The following CPA6 variants were observed in gnomAD, a reference collection of about 807,000 sequenced individuals.
CPA6 encodes the protein carboxypeptidase A6.
CPA6 carries 58 observed loss-of-function variants against 63.3 expected under a neutral mutation model. That is an observed-to-expected ratio of 0.92 (90% CI 0.74 to 1.14). The LOEUF is 1.14. Among genes scored for constraint, CPA6 ranks in the 50% most tolerant of loss-of-function variants. The pLI is 0.00. For synonymous variants in CPA6, 185 were observed against 179.0 expected (o/e 1.03, Z -0.27); for missense variants, 565 against 526.6 (o/e 1.07, Z -0.71).
chr8:67,543,810 G>T (rs964101222), intron 2 of CPA6, among the ~76,000 whole-genome samples: 22 of 98,424 alleles, frequency 2.2e-4, no homozygotes, highest in Admixed American at 1.1e-3. Flanking sequence ...AAGAGACAGG[G>T]TCTTGCTGTG....
At chr8:67,552,224 G>A (rs1812954280) in intron 2 of CPA6, among the ~76,000 whole-genome samples, 1 of 152,196 alleles carries the variant, frequency 6.6e-6, no homozygotes, top group South Asian at 2.1e-4. Context: ...ACACATCTAA[G>A]TAGATTGAAA....
intron 8 of CPA6, among the ~76,000 whole-genome samples, chr8:67,460,251 T>C (rs185498717): frequency 4.3e-4 from 65 of 152,350 alleles, no homozygotes; most frequent in Admixed American, 4.0e-3. Context: ...TAGATGTTTA[T>C]TGAATGAATC....
At chr8:67,597,273 C>A (rs111650719) in intron 2 of CPA6, among the ~76,000 whole-genome samples, 24,730 of 150,162 alleles carry the variant, frequency 0.16, 2,606 homozygotes, top group African/African-American at 0.29. Flanking sequence ...ATCTCAGCTC[C>A]CTGCAAACTC....
At chr8:67,668,675 A>C (rs1474482474) in intron 1 of CPA6, among the ~76,000 whole-genome samples, 2 of 152,208 alleles carry the variant, frequency 1.3e-5, no homozygotes, top group Non-Finnish European at 2.9e-5. Context: ...TTTAATGATA[A>C]AAAAATCTGG....
At chr8:67,544,505 G>C (rs1033572377) in intron 2 of CPA6, among the ~76,000 whole-genome samples, 1 of 152,188 alleles carries the variant, frequency 6.6e-6, no homozygotes, top group African/African-American at 2.4e-5. Flanking sequence ...AAGTCATGAA[G>C]TCTAATGGGC....
intron 8 of CPA6, among the ~76,000 whole-genome samples, chr8:67,480,416 G>A (rs984882427): frequency 6.6e-6 from 1 of 151,922 alleles, no homozygotes; most frequent in African/African-American, 2.4e-5. Context: ...TGCCTATTCT[G>A]GACATTTCAT....
chr8:67,716,009 C>G (rs1817369416), intron 1 of CPA6, among the ~76,000 whole-genome samples: 1 of 151,980 alleles, frequency 6.6e-6, no homozygotes, highest in African/African-American at 2.4e-5. Flanking sequence ...CAAAAATTAG[C>G]TGGGTGTGGT....
intron 8 of CPA6, among the ~76,000 whole-genome samples, chr8:67,464,767 G>A (rs543203136): frequency 6.6e-6 from 1 of 152,142 alleles, no homozygotes; most frequent in African/African-American, 2.4e-5. Context: ...TGAATACGGA[G>A]TCCTATCCCC....
chr8:67,560,422 G>A (rs1392540631), intron 2 of CPA6, among the ~76,000 whole-genome samples: 2 of 152,070 alleles, frequency 1.3e-5, no homozygotes, highest in Non-Finnish European at 2.9e-5. Flanking sequence ...GCTTTCAAAG[G>A]TAGGAAATAA....
intron 8 of CPA6, among the ~76,000 whole-genome samples, chr8:67,470,937 G>C (rs1039114054): frequency 1.3e-5 from 2 of 152,166 alleles, no homozygotes; most frequent in Non-Finnish European, 2.9e-5. Flanking sequence ...TTAGTATGCA[G>C]TAGCCAGAAG....
chr8:67,678,383 C>T (rs1369279314), intron 1 of CPA6, among the ~76,000 whole-genome samples: 2 of 151,984 alleles, frequency 1.3e-5, no homozygotes, highest in Non-Finnish European at 2.9e-5. Flanking sequence ...AACATATATC[C>T]AACGAGGCCT....
chr8:67,601,689 G>A (rs1038502201), intron 2 of CPA6, among the ~76,000 whole-genome samples: 6 of 151,926 alleles, frequency 3.9e-5, no homozygotes, highest in African/African-American at 1.2e-4. Flanking sequence ...CTCATTATTC[G>A]GTCTATTTTG....
chr8:67,517,027 C>T (rs1465068320), intron 3 of CPA6, among the ~76,000 whole-genome samples: 3 of 152,254 alleles, frequency 2.0e-5, no homozygotes, highest in Middle Eastern at 3.4e-3. Flanking sequence ...GAACTCCTGA[C>T]CTCAGGTGAT....
At chr8:67,561,753 G>C (rs146535582) in intron 2 of CPA6, among the ~76,000 whole-genome samples, 1 of 152,248 alleles carries the variant, frequency 6.6e-6, no homozygotes, top group African/African-American at 2.4e-5. Flanking sequence ...ATTATTAGGA[G>C]AATGTCCTTG....
At chr8:67,608,958 G>A (rs1564022501) in intron 2 of CPA6, among the ~76,000 whole-genome samples, 1 of 152,198 alleles carries the variant, frequency 6.6e-6, no homozygotes, top group Non-Finnish European at 1.5e-5. Context: ...ATTTTGTTGA[G>A]TTACTTATAG....
chr8:67,654,447 C>T (rs1815933175), intron 1 of CPA6, among the ~76,000 whole-genome samples: 1 of 152,130 alleles, frequency 6.6e-6, no homozygotes, highest in Non-Finnish European at 1.5e-5. Context: ...TTCAGAGATT[C>T]AACTTCTTCC....
intron 8 of CPA6, among the ~76,000 whole-genome samples, chr8:67,474,473 G>C (rs1587465904): frequency 6.6e-6 from 1 of 151,952 alleles, no homozygotes; most frequent in African/African-American, 2.4e-5. Context: ...CACCCACCTC[G>C]GCTTCCCAAA....
At chr8:67,610,008 C>T (rs183419774) in intron 2 of CPA6, among the ~76,000 whole-genome samples, 4 of 150,322 alleles carry the variant, frequency 2.7e-5, no homozygotes, top group Non-Finnish European at 4.4e-5. Flanking sequence ...GGTGACAGAG[C>T]GAGACTCCGT....
chr8:67,471,518 TTTTG>T (rs1377621876), intron 8 of CPA6, among the ~76,000 whole-genome samples: 3 of 152,228 alleles, frequency 2.0e-5, no homozygotes, highest in Non-Finnish European at 2.9e-5. Flanking sequence ...TGTTGTTTTT[TTTTG>T]TTTGTTTGTT....
Sources: allele counts gnomAD v4.1 joint callset (sites outside exome capture counted in the v4.1 genomes callset), GRCh38; gene constraint gnomAD v4.1.1; transcripts MANE v1.5; gene names NCBI Gene and HGNC (gene_info 2026-07-23, HGNC 2026-07-21).